The following PCM1 variants were observed in gnomAD, a reference collection of about 807,000 sequenced individuals.
PCM1 encodes the protein pericentriolar material 1, also known as pericentriolar material 1 protein.
In PCM1, 157 loss-of-function variants were observed where a neutral mutation model predicts 241.9. That is an observed-to-expected ratio of 0.65 (90% CI 0.57 to 0.74). The LOEUF (loss-of-function observed/expected upper bound fraction) is 0.74, where lower values mean the gene tolerates loss of function less well. Among genes scored for constraint, PCM1 ranks in the 30% least tolerant of loss-of-function variants. PCM1 has a pLI of 0.00. For missense variants in PCM1, 3,478 were observed against 2,360.1 expected (o/e 1.47, Z -9.81); for synonymous variants, 1,085 against 784.9 (o/e 1.38, Z -6.39).
At chr8:18,024,568 T>C (rs894435255) in intron 36 of PCM1, among the ~76,000 whole-genome samples, 6 of 152,178 alleles carry the variant, frequency 3.9e-5, no homozygotes, top group African/African-American at 1.4e-4. Context: ...CTAGTTGCCA[T>C]AGAAGACATT....
At chr8:17,933,283 C>G (rs1045670422) in intron 2 of PCM1, among the ~76,000 whole-genome samples, 2 of 152,156 alleles carry the variant, frequency 1.3e-5, no homozygotes, top group Non-Finnish European at 2.9e-5. Flanking sequence ...TGAGCTAGTA[C>G]TGATTTAACC....
chr8:17,940,073 C>T, intron 6 of PCM1: 1 of 1,580,234 alleles, frequency 6.3e-7, no homozygotes, highest in African/African-American at 1.3e-5. Context: ...GATGTTCGGA[C>T]TATAGATTCA....
intron 2 of PCM1, among the ~76,000 whole-genome samples, chr8:17,932,763 A>C (rs892536266): frequency 6.6e-6 from 1 of 152,094 alleles, no homozygotes; most frequent in African/African-American, 2.4e-5. Flanking sequence ...TGTTTTTAAA[A>C]ACCATTCAAT....
chr8:17,965,789 C>A (rs1416695118), intron 18 of PCM1, among the ~76,000 whole-genome samples: 1 of 152,144 alleles, frequency 6.6e-6, no homozygotes, highest in Admixed American at 6.6e-5. Context: ...TAAAAACATA[C>A]ATGAAAAAGA....
chr8:17,990,089 G>A, intron 27 of PCM1, 110 bp downstream of exon 27: 1 of 791,540 alleles, frequency 1.3e-6, no homozygotes, highest in Non-Finnish European at 1.9e-6. Flanking sequence ...GTGTGTGGTT[G>A]AAAGAATGTG....
intron 8 of PCM1, among the ~76,000 whole-genome samples, chr8:17,952,448 A>C (rs971908633): frequency 6.6e-6 from 1 of 152,128 alleles, no homozygotes; most frequent in Non-Finnish European, 1.5e-5. Flanking sequence ...CTGTGTGGTC[A>C]TGTGTCTCTA....
intron 29 of PCM1, among the ~76,000 whole-genome samples, chr8:18,004,585 A>G (rs554608622): frequency 1.8e-4 from 27 of 152,308 alleles, no homozygotes; most frequent in African/African-American, 6.0e-4. Flanking sequence ...AGAACTAATA[A>G]TCTGATTTTA....
intron 38 of PCM1, 133 bp downstream of exon 38, chr8:18,025,791 T>C: frequency 3.4e-6 from 2 of 582,054 alleles, no homozygotes; most frequent in South Asian, 4.8e-5. Flanking sequence ...GAAAGTGTAA[T>C]TCTGTAAGAA....
rs750760537 is a variant in PCM1, at chr8:18,027,862, GT to G, written c.*213del. On this transcript the variant is annotated 3_prime_UTR_variant, in exon 39 of 39. Transcript: ENST00000325083. ...ACAGATTTAAGCCTTGACACACTGT[GT>G]TTTTTTTTTTTTCCCCCTTCTTTTT... 0.053 allele frequency: 16,400 copies of G among 309,202 alleles called. 32 individuals are homozygous for G. The highest frequency in any genetic ancestry group is 0.061 in the Middle Eastern group (67 of 1,104). 19.2% of individuals were successfully genotyped at this position (309,202 alleles called of 1,614,324 possible). A position where few individuals can be genotyped will look rare whatever the true frequency, so the allele number is the denominator to read the frequency against.
chr8:17,987,758 A>G (rs2083095174), intron 26 of PCM1, among the ~76,000 whole-genome samples: 1 of 151,876 alleles, frequency 6.6e-6, no homozygotes. Flanking sequence ...GTCCAGTAGA[A>G]CTTTCTATAG....
At position 17,958,503 on chromosome 8, in the gene PCM1, T is replaced by C. The variant is rs187192921; in HGVS notation, c.2040+728T>C. ...TTAACACAAAATATGCCTACACTTA[T>C]AATTGTATAAATATGTAATTAACTA... On this transcript the variant is annotated intron_variant, in intron 13 of 38. Coordinates refer to ENST00000325083, the MANE Select transcript of PCM1 (RefSeq NM_006197.4). Among the ~76,000 whole-genome samples, 266 of 152,258 alleles carry C rather than the reference T, an allele frequency of 1.7e-3. 2 individuals are homozygous for C. Among genetic ancestry groups the C allele is most frequent in the Non-Finnish European group, 2.9e-3 (199 of 68,002 alleles).
Position 18,027,970 on chromosome 8 carries a change from A to G in PCM1, c.*308A>G. The G allele has an allele frequency of 3.4e-6, 1 of 296,492 alleles. No homozygotes were observed. The allele number at this position is 296,492 out of a possible 1,614,324, so 18.4% of individuals were successfully genotyped here. ...TTAAATAAAGTTTGGACTTATCTAT[A>G]AAGTATCTTTTTTGGAAATTATATT... is the stretch of plus-strand genomic sequence containing the variant. On this transcript the variant is annotated 3_prime_UTR_variant, in exon 39 of 39. Transcript: ENST00000325083.
intron 23 of PCM1, among the ~76,000 whole-genome samples, chr8:17,979,872 T>A (rs1272920999): frequency 6.6e-6 from 1 of 152,198 alleles, no homozygotes; most frequent in Non-Finnish European, 1.5e-5. Context: ...GGACTTGCCT[T>A]AGCAGATATT....
chr8:17,943,634 G>A (rs1258568898), intron 6 of PCM1, among the ~76,000 whole-genome samples: 1 of 151,522 alleles, frequency 6.6e-6, no homozygotes, highest in African/African-American at 2.4e-5. Flanking sequence ...TCTCTTCTTG[G>A]CATTTATTTC....
At chr8:17,973,941 T>G (rs1474320948) in intron 23 of PCM1, among the ~76,000 whole-genome samples, 1 of 152,162 alleles carries the variant, frequency 6.6e-6, no homozygotes, top group East Asian at 1.9e-4. Flanking sequence ...AAAAATCTAA[T>G]GAAAACCACA....
In PCM1 at chr8:18,011,380, C is replaced by G. The variant is rs764111743; in HGVS notation, c.5350+14C>G. The G allele has an allele frequency of 5.3e-5, 82 of 1,542,254 alleles. No individual in the cohort carries two copies. Among genetic ancestry groups the G allele is most frequent in the Non-Finnish European group, 6.7e-5 (77 of 1,152,464 alleles). ...CAGTGTCTATTAGTAAGTTTAAAGG[C>G]TCTGTACTATCTTTATACTTTAGTT... On this transcript the variant is annotated intron_variant, in intron 33 of 38. Transcript: ENST00000325083.
In PCM1 at chr8:17,965,986, A is replaced by G. The variant is rs779509207; in HGVS notation, c.2856-13A>G. On this transcript the variant is annotated splice_polypyrimidine_tract_variant and intron_variant, in intron 18 of 38. Coordinates refer to ENST00000325083, the MANE Select transcript of PCM1 (RefSeq NM_006197.4). ...TTATGTATGATGACTTAATGCTTTC[A>G]ATCTTGTGTTAGGTGGAAGAACAAT... is the stretch of plus-strand genomic sequence containing the variant. The G allele has an allele frequency of 1.9e-6, 3 of 1,592,494 alleles. No individual in the cohort carries two copies. The African/African-American group carries it at 4.0e-5, about 21-fold the overall frequency.
chr8:17,959,747 G>A (rs1468991553), intron 13 of PCM1, among the ~76,000 whole-genome samples: 8 of 151,938 alleles, frequency 5.3e-5, no homozygotes, highest in African/African-American at 1.5e-4. Flanking sequence ...TTGATATACC[G>A]TAGCTTGTTT....
At chr8:17,959,957 G>A in intron 13 of PCM1, 57 bp from the exon 14 acceptor site, 1 of 1,519,540 alleles carries the variant, frequency 6.6e-7, no homozygotes, top group Middle Eastern at 1.7e-4. Context: ...ACTAAGGTAT[G>A]AATTGGATAA....
Sources: allele counts gnomAD v4.1 joint callset (sites outside exome capture counted in the v4.1 genomes callset), GRCh38; gene constraint gnomAD v4.1.1; transcripts MANE v1.5; gene names NCBI Gene and HGNC (gene_info 2026-07-23, HGNC 2026-07-21).